MTMR7: variants seen among roughly 807,000 people sequenced by gnomAD.
MTMR7 encodes phosphatidylinositol-3-phosphate phosphatase MTMR7.
In MTMR7, 76 loss-of-function variants were observed where a neutral mutation model predicts 81.2. The observed-to-expected ratio is 0.94, with a 90% CI of 0.78 to 1.13. The LOEUF is 1.13. Ranked by LOEUF, MTMR7 falls within the 50% of genes most tolerant of loss-of-function variation. MTMR7 has a pLI of 0.00. For missense variants in MTMR7, 1,044 were observed against 820.0 expected (o/e 1.27, Z -3.34); for synonymous variants, 372 against 289.8 (o/e 1.28, Z -2.88).
chr8:17,351,541 G>T (rs1326965227), intron 4 of MTMR7, among the ~76,000 whole-genome samples: 2 of 152,246 alleles, frequency 1.3e-5, no homozygotes, highest in Non-Finnish European at 2.9e-5. Context: ...GTAGAGGTAT[G>T]TAGATTTTGA....
At chr8:17,374,991 C>T (rs867308330) in intron 1 of MTMR7, among the ~76,000 whole-genome samples, 1 of 151,486 alleles carries the variant, frequency 6.6e-6, no homozygotes, top group Non-Finnish European at 1.5e-5. Context: ...CGGAAGGCTG[C>T]GGCAGGATAA....
chr8:17,407,760 C>A, intron 1 of MTMR7, among the ~76,000 whole-genome samples: 1 of 151,970 alleles, frequency 6.6e-6, no homozygotes, highest in Non-Finnish European at 1.5e-5. Context: ...GAAAATGTAC[C>A]CAAATATTAA....
chr8:17,377,163 G>A (rs921391247), intron 1 of MTMR7, among the ~76,000 whole-genome samples: 5 of 152,130 alleles, frequency 3.3e-5, no homozygotes, highest in African/African-American at 1.2e-4. Flanking sequence ...AATTAATCAG[G>A]AAGCTTTCAA....
At chr8:17,305,552 A>G (rs1023694381) in intron 11 of MTMR7, among the ~76,000 whole-genome samples, 1 of 152,216 alleles carries the variant, frequency 6.6e-6, no homozygotes, top group Non-Finnish European at 1.5e-5. Context: ...AAACTGAAGG[A>G]AAAAATGAAA....
intron 7 of MTMR7, among the ~76,000 whole-genome samples, chr8:17,320,062 A>G (rs1818301958): frequency 6.6e-6 from 1 of 152,204 alleles, no homozygotes; most frequent in Non-Finnish European, 1.5e-5. Context: ...AGCTTTTTAT[A>G]CTGATAATGT....
rs777452727 is a variant in MTMR7 at position 17,302,168 on chromosome 8, C to G, written c.1606G>C (p.Glu536Gln). ...GTATGTCTTACTTCTTCCAGGGCCT[C>G]TAGTTCTTCCTCTAGCTGCTGAGTT... ...EETQQLEEEL[E>Q]ALEERLEKIQ... Residue 536 changes from glutamate to glutamine, a missense_variant, in exon 13 of 14, where the codon GAG becomes CAG. Glu to Gln is a conservative substitution (Grantham distance 29, BLOSUM62 2). Transcript: ENST00000180173. The G allele has an allele frequency of 3.7e-6, 6 of 1,614,120 alleles. No individual in the cohort carries two copies. Among genetic ancestry groups the G allele is most frequent in the African/African-American group, 1.3e-5 (1 of 75,054 alleles).
intron 10 of MTMR7, among the ~76,000 whole-genome samples, chr8:17,308,759 C>T (rs1817627474): frequency 6.6e-6 from 1 of 152,136 alleles, no homozygotes; most frequent in Non-Finnish European, 1.5e-5. Flanking sequence ...TCAGACAGCC[C>T]AGACGTCCAA....
At chr8:17,411,041 A>T (rs1274620592) in intron 1 of MTMR7, among the ~76,000 whole-genome samples, 1 of 152,208 alleles carries the variant, frequency 6.6e-6, no homozygotes, top group Non-Finnish European at 1.5e-5. Flanking sequence ...TATGACCAGT[A>T]ACAATTATAT....
Position 17,362,087 on chromosome 8 carries a change from A to C in MTMR7, c.311-813T>G, listed in dbSNP as rs554441819. Among the ~76,000 whole-genome samples, 122 of 152,294 alleles carry C rather than the reference A, an allele frequency of 8.0e-4. 1 individual carries two copies. Among genetic ancestry groups the C allele is most frequent in the African/African-American group, 2.9e-3 (120 of 41,548 alleles). On this transcript the variant is annotated intron_variant, in intron 3 of 13. Coordinates refer to ENST00000180173, the MANE Select transcript of MTMR7 (RefSeq NM_004686.5). ...TAAGGGAAGTGTAGAGACCAGCGCT[A>C]TCCAACAGAAATATAATGTGAGCTA...
intron 3 of MTMR7, among the ~76,000 whole-genome samples, chr8:17,368,224 G>C (rs7816272): frequency 7.1e-4 from 108 of 152,264 alleles, no homozygotes; most frequent in African/African-American, 2.6e-3. Flanking sequence ...TGATCTCACA[G>C]GAGGTAGAGC....
intron 11 of MTMR7, among the ~76,000 whole-genome samples, chr8:17,305,439 A>T (rs892021969): frequency 1.3e-5 from 2 of 152,194 alleles, no homozygotes; most frequent in Non-Finnish European, 2.9e-5. Flanking sequence ...GCCACCAAAT[A>T]TATCTAACCT....
At chr8:17,321,585 T>A (rs1476077162) in intron 7 of MTMR7, among the ~76,000 whole-genome samples, 2 of 152,232 alleles carry the variant, frequency 1.3e-5, no homozygotes, top group Non-Finnish European at 2.9e-5. Context: ...CCAAAGCGAT[T>A]AGCGCCTGGA....
At chr8:17,343,892 A>G (rs1819476562) in intron 5 of MTMR7, among the ~76,000 whole-genome samples, 1 of 152,198 alleles carries the variant, frequency 6.6e-6, no homozygotes, top group African/African-American at 2.4e-5. Flanking sequence ...GATTATCCAA[A>G]GAGTATTACT....
Position 17,317,852 on chromosome 8 carries a change from T to C in MTMR7, c.866-4451A>G, listed in dbSNP as rs6983768. On this transcript the variant is annotated intron_variant, in intron 7 of 13. Coordinates refer to ENST00000180173, the MANE Select transcript of MTMR7 (RefSeq NM_004686.5). ...ATCACTCATCCATTTATTTTGCAGC[T>C]TTTATATTTTTGTTTCCATGACCTC... Among the ~76,000 whole-genome samples, 632 of 152,328 alleles carry C rather than the reference T, an allele frequency of 4.1e-3. 5 individuals carry two copies. Among genetic ancestry groups the C allele is most frequent in the African/African-American group, 0.014 (601 of 41,576 alleles).
intron 10 of MTMR7, among the ~76,000 whole-genome samples, 189 bp downstream of exon 10, chr8:17,309,088 A>G (rs1210466017): frequency 6.6e-6 from 1 of 152,212 alleles, no homozygotes; most frequent in Non-Finnish European, 1.5e-5. Context: ...GTTCTGCCCA[A>G]CTGTTACCAA....
At chr8:17,349,175 A>G in intron 4 of MTMR7, 94 bp from the exon 5 acceptor site, 1 of 1,456,422 alleles carries the variant, frequency 6.9e-7, no homozygotes, top group Non-Finnish European at 9.5e-7. Context: ...TTACAGGTAC[A>G]TCCTTAAGTT....
intron 6 of MTMR7, among the ~76,000 whole-genome samples, chr8:17,337,171 A>G (rs1819266873): frequency 6.6e-6 from 1 of 152,100 alleles, no homozygotes; most frequent in Non-Finnish European, 1.5e-5. Context: ...CAGGAGTTCG[A>G]GACCAGCCTG....
At chr8:17,349,452 T>C (rs563190086) in intron 4 of MTMR7, 126 of 193,352 alleles carry the variant, frequency 6.5e-4, no homozygotes, top group Non-Finnish European at 1.2e-3. Flanking sequence ...AAAGACAGAA[T>C]GACACCAGGA....
At position 17,297,903 on chromosome 8, in the gene MTMR7, T is replaced by G. The variant is rs1190847849; in HGVS notation, c.*1959A>C. The G allele has an allele frequency of 6.6e-6, 1 of 152,020 alleles. No individual in the cohort carries two copies. Among genetic ancestry groups the G allele is most frequent in the Non-Finnish European group, 1.5e-5 (1 of 67,904 alleles). The allele number at this position is 152,020 out of a possible 1,614,324, so 9.4% of individuals were successfully genotyped here. ...TTATAATGTCTGTCTTGTAAAAAAG[T>G]TGAGGGGACTAAAAGTTTATGACTC... On this transcript the variant is annotated 3_prime_UTR_variant, in exon 14 of 14. Coordinates refer to ENST00000180173, the MANE Select transcript of MTMR7 (RefSeq NM_004686.5).
Sources: allele counts gnomAD v4.1 joint callset (sites outside exome capture counted in the v4.1 genomes callset), GRCh38; gene constraint gnomAD v4.1.1; transcripts MANE v1.5; gene names NCBI Gene and HGNC (gene_info 2026-07-23, HGNC 2026-07-21).